SREBF2: variants seen among roughly 807,000 people sequenced by gnomAD.
The protein encoded by SREBF2 is sterol regulatory element binding transcription factor 2, also known as sterol regulatory element-binding protein 2.
A neutral mutation model predicts 113.1 loss-of-function variants in SREBF2; 55 were observed. The ratio of observed to expected loss-of-function variants is 0.49; its 90% CI spans 0.39 to 0.61. The LOEUF (loss-of-function observed/expected upper bound fraction) is 0.61. Among genes scored for constraint, SREBF2 ranks in the 20% least tolerant of loss-of-function variants. SREBF2 has a pLI of 0.00. For missense variants in SREBF2, 1,349 were observed against 1,487.4 expected (o/e 0.91, Z 1.53); for synonymous variants, 593 against 605.7 (o/e 0.98, Z 0.31).
At position 41,866,935 on chromosome 22, in the gene SREBF2, GGCAGCAGTGGCAGCAGCA is replaced by G. The variant is rs1271167972; in HGVS notation, c.201_218del (p.Gly68_Ser73del). 1.2e-6 allele frequency: 2 copies of G among 1,613,172 alleles called. No homozygotes were observed. The highest frequency in any genetic ancestry group is 1.7e-6 in the Non-Finnish European group (2 of 1,179,730). ...CAGTGGTGGTAGTGGTAGCAGCAGC[GGCAGCAGTGGCAGCAGCA>G]GCAGCAGCAGCAATGGCAGGGGCAG... On this transcript the variant is annotated inframe_deletion, in exon 2 of 19. Transcript: ENST00000361204.
In SREBF2 at chr22:41,888,218, A is replaced by T. The variant is rs530572408; in HGVS notation, c.2208+3207A>T. ...TTCAATAAATCTTTGTCCTACCTCA[A>T]AGTCATGAAGATATTCTCCTATGTT... On this transcript the variant is annotated intron_variant, in intron 11 of 18. Coordinates refer to ENST00000361204, the MANE Select transcript of SREBF2 (RefSeq NM_004599.4). Among the ~76,000 whole-genome samples, 4 of 152,272 alleles carry T rather than the reference A, an allele frequency of 2.6e-5. No individual in the cohort carries two copies. The East Asian group carries it at 7.7e-4, about 29-fold the overall frequency.
chr22:41,843,660 G>C (rs1602268470), intron 1 of SREBF2, among the ~76,000 whole-genome samples: 1 of 152,176 alleles, frequency 6.6e-6, no homozygotes, highest in Admixed American at 6.5e-5. Flanking sequence ...ATACCAGGTG[G>C]TGTGGTGTGC....
intron 1 of SREBF2, among the ~76,000 whole-genome samples, chr22:41,865,777 C>T (rs1291537075): frequency 6.6e-6 from 1 of 152,194 alleles, no homozygotes; most frequent in East Asian, 1.9e-4. Flanking sequence ...GGCCTGGCAA[C>T]ATACCTGCAC....
At chr22:41,874,762 C>T (rs192595235) in intron 5 of SREBF2, among the ~76,000 whole-genome samples, 41 of 152,228 alleles carry the variant, frequency 2.7e-4, no homozygotes, top group Non-Finnish European at 5.3e-4. Context: ...AAAAAATTAG[C>T]CGGGCGTGCT....
chr22:41,873,838 C>T lies in SREBF2; in HGVS notation c.908C>T (p.Pro303Leu), dbSNP rs1391740916. 1 of 1,612,448 alleles carries T rather than the reference C, an allele frequency of 6.2e-7. No homozygotes were observed. The highest frequency in any genetic ancestry group is 1.3e-5 in the African/African-American group (1 of 74,876). Residue 303 changes from proline (P) to leucine (L), a missense_variant, in exon 5 of 19, where the codon CCT becomes CTT. Around this residue, in one of 2 missense-constraint regions of SREBF2, gnomAD observed 699 missense variants for 843.3 expected, o/e 0.83. Coordinates refer to ENST00000361204, the MANE Select transcript of SREBF2 (RefSeq NM_004599.4). ...AGTGGGACCATTCTGACCACAATGC[C>T]TGTAATGATGGGGCAAGAGAAAGTG... ...GSSGTILTTM[P>L]VMMGQEKVPI...
rs958263171 is a variant in SREBF2, at chr22:41,903,109, G to A, written c.3047G>A (p.Gly1016Asp). Residue 1016 changes from glycine to aspartate, a missense_variant, in exon 17 of 19, where the codon GGC becomes GAC. Transcript: ENST00000361204. Reference sequence around the variant, plus strand: ...CTGGCGGGCTTCCAACGGGACCTGGGCAGCCTGCGCAGGCTGGCACACAGC... The same window carrying A: ...CTGGCGGGCTTCCAACGGGACCTGGACAGCCTGCGCAGGCTGGCACACAGC... ...AELAGFQRDL[G>D]SLRRLAHSFR... 7.0e-5 allele frequency: 109 copies of A among 1,565,440 alleles called. No homozygotes were observed. Among genetic ancestry groups the A allele is most frequent in the Non-Finnish European group, 9.3e-5 (107 of 1,155,140 alleles).
Position 41,864,223 on chromosome 22 carries a change from CATATATATATATATATAT to C in SREBF2, c.89-2586_89-2569del, listed in dbSNP as rs756489276. Among the ~76,000 whole-genome samples the C allele has an allele frequency of 7.1e-4, 33 of 46,330 alleles. 2 individuals are homozygous for C. In the Middle Eastern group the frequency reaches 0.039, roughly 55 times the overall value. The allele number at this position is 46,330 out of a possible 152,430, so 30.4% of individuals were successfully genotyped here. On this transcript the variant is annotated intron_variant, in intron 1 of 18. Transcript: ENST00000361204. Reference sequence around the variant, plus strand: ...TTTATTTTTCCTATCCTTCTGCAAGCATATATATATATATATATATATATATATATATATATATACACA... The same window carrying C: ...TTTATTTTTCCTATCCTTCTGCAAGCATATATATATATATATATATACACA...
rs1569364350 is a variant in SREBF2 at position 41,833,959 on chromosome 22, C to T, written c.88+601C>T. The T allele has an allele frequency of 6.5e-6, 1 of 152,690 alleles. No individual in the cohort carries two copies. The highest frequency in any genetic ancestry group is 2.4e-5 in the African/African-American group (1 of 41,454). The allele number at this position is 152,690 out of a possible 1,614,324, so 9.5% of individuals were successfully genotyped here. A position where few individuals can be genotyped will look rare whatever the true frequency, so the allele number is the denominator to read the frequency against. ...TGGACACATCTCTCCGGGATGGAGA[C>T]CCGGGCGCTCCTGCTGTCACGCTGC... On this transcript the variant is annotated intron_variant, in intron 1 of 18. Transcript: ENST00000361204. The surrounding 1 kb of genome is among the most constrained non-coding windows in gnomAD (Gnocchi z 4.1).
intron 1 of SREBF2, among the ~76,000 whole-genome samples, chr22:41,843,374 G>A (rs190271390): frequency 9.8e-5 from 15 of 152,354 alleles, no homozygotes; most frequent in African/African-American, 3.6e-4. Context: ...TTCAGTGCTG[G>A]CAAATAAACA....
chr22:41,870,984 GGCCCTCACC>G lies in SREBF2; in HGVS notation c.826_834del (p.Ala276_Thr278del), dbSNP rs774286467. The G allele has an allele frequency of 3.8e-5, 61 of 1,614,002 alleles. No homozygotes were observed. Among genetic ancestry groups the G allele is most frequent in the Admixed American group, 5.0e-5 (3 of 60,000 alleles). ...CTGTTATGGCTGCGGTCCAGAACCC[GGCCCTCACC>G]GCCCTCACCACCCCTATCCAGACGG... On this transcript the variant is annotated inframe_deletion, in exon 4 of 19. Transcript: ENST00000361204.
chr22:41,900,374 A>T lies in SREBF2; in HGVS notation c.2783A>T (p.His928Leu). 6.2e-7 allele frequency: 1 copy of T among 1,613,854 alleles called. No individual in the cohort carries two copies. Among genetic ancestry groups the T allele is most frequent in the Non-Finnish European group, 8.5e-7 (1 of 1,180,040 alleles). The change falls in exon 16 of 19, where the codon CAT (histidine) becomes CTT (leucine). Residue 928 changes from histidine to leucine, a missense_variant. Physicochemically the swap from His to Leu is moderately conservative, Grantham distance 99. Transcript: ENST00000361204. ...ATCTTCCATGCCTGCAGAGCCATGC[A>T]TGCCTCACTCCCTGGGAAAGCAGAT... ...KAIFHACRAM[H>L]ASLPGKADGQ... is the part of the protein sequence containing the mutation.
At chr22:41,902,703 A>G (rs1389891009) in intron 16 of SREBF2, among the ~76,000 whole-genome samples, 2 of 152,134 alleles carry the variant, frequency 1.3e-5, no homozygotes, top group Non-Finnish European at 2.9e-5. Context: ...TGTATTCCCT[A>G]TACAAGCTGC....
intron 1 of SREBF2, among the ~76,000 whole-genome samples, chr22:41,865,522 G>A (rs2077066773): frequency 6.6e-6 from 1 of 152,158 alleles, no homozygotes; most frequent in African/African-American, 2.4e-5. Flanking sequence ...GTTGGGTTTT[G>A]GAAAGCCTTT....
rs756586110 is a variant in SREBF2, at chr22:41,897,096, T to C, written c.2540T>C (p.Phe847Ser). 1 of 1,613,176 alleles carries C rather than the reference T, an allele frequency of 6.2e-7. No homozygotes were observed. The highest frequency in any genetic ancestry group is 8.5e-7 in the Non-Finnish European group (1 of 1,179,894). Reference sequence around the variant, plus strand: ...GAGTACTTGAAATTACTTCATTCTTTTGTGGACTCTGTGGGGGTTATGAGC... The same window carrying C: ...GAGTACTTGAAATTACTTCATTCTTCTGTGGACTCTGTGGGGGTTATGAGC... ...ALEYLKLLHS[F>S]VDSVGVMSPP... The change falls in exon 14 of 19, where the codon TTT (phenylalanine) becomes TCT (serine). Residue 847 changes from phenylalanine to serine, a missense_variant. Transcript: ENST00000361204.
At chr22:41,905,043 G>A in intron 18 of SREBF2, 69 bp downstream of exon 18, 2 of 1,380,278 alleles carry the variant, frequency 1.4e-6, no homozygotes, top group African/African-American at 1.4e-5. Flanking sequence ...GGAGAAGAGG[G>A]GCCAGCCCAG....
chr22:41,866,674 C>T (rs1234148761), intron 1 of SREBF2, among the ~76,000 whole-genome samples, 157 bp from the exon 2 acceptor site: 1 of 152,166 alleles, frequency 6.6e-6, no homozygotes, highest in Non-Finnish European at 1.5e-5. Context: ...CCATCTTGGC[C>T]CAGATGATCC....
intron 15 of SREBF2, 50 bp downstream of exon 15, chr22:41,898,831 G>GT (rs2077439152): frequency 6.2e-7 from 1 of 1,608,120 alleles, no homozygotes; most frequent in African/African-American, 1.3e-5. Flanking sequence ...GGGGAATCTT[G>GT]TTTGAGTTAG....
rs759918512 is a variant in SREBF2 at position 41,885,025 on chromosome 22, G to A, written c.2208+14G>A. 10 of 1,613,692 alleles carry A rather than the reference G, an allele frequency of 6.2e-6. No homozygotes were observed. The highest frequency in any genetic ancestry group is 1.1e-5 in the South Asian group (1 of 91,028). ...GGCTTCCTGGCCGTGAGTACCCTTC[G>A]GTTCCCTTCTGTAAACCTCCCCTGA... is the stretch of plus-strand genomic sequence containing the variant. On this transcript the variant is annotated intron_variant, in intron 11 of 18. Transcript: ENST00000361204.
chr22:41,835,456 A>C (rs967495068), intron 1 of SREBF2, among the ~76,000 whole-genome samples: 9 of 151,304 alleles, frequency 5.9e-5, no homozygotes, highest in African/African-American at 2.2e-4. Context: ...GATTACAGGC[A>C]TGCGCCACCA....
Sources: allele counts gnomAD v4.1 joint callset (sites outside exome capture counted in the v4.1 genomes callset), GRCh38; gene constraint gnomAD v4.1.1; regional missense constraint gnomAD v4.1.1; non-coding constraint Gnocchi (gnomAD v3.1); transcripts MANE v1.5; gene names NCBI Gene and HGNC (gene_info 2026-07-23, HGNC 2026-07-21).